ATP11B: variants seen among roughly 807,000 people sequenced by gnomAD.
The protein encoded by ATP11B is ATPase phospholipid transporting 11B (putative).
In ATP11B, 81 loss-of-function variants were observed where a neutral mutation model predicts 157.8. The observed-to-expected ratio is 0.51, with a 90% CI of 0.43 to 0.62. The LOEUF is 0.62. Ranked by LOEUF, ATP11B falls within the 20% of genes least tolerant of loss-of-function variation. ATP11B has a pLI of 0.00. For missense variants in ATP11B, 1,165 were observed against 1,402.2 expected, an observed-to-expected ratio of 0.83 and a Z score of 2.70; for synonymous variants, 451 against 469.4, an observed-to-expected ratio of 0.96 and a Z score of 0.51.
intron 12 of ATP11B, among the ~76,000 whole-genome samples, chr3:182,864,938 A>G (rs973461712): frequency 6.6e-6 from 1 of 152,000 alleles, no homozygotes; most frequent in African/African-American, 2.4e-5. Context: ...TTTTTTCACT[A>G]AATTTGTTTT....
In ATP11B at chr3:182,838,199, A is replaced by G. The variant is rs577500909; in HGVS notation, c.656+1025A>G. Among the ~76,000 whole-genome samples, 160 of 152,174 alleles carry G rather than the reference A, an allele frequency of 1.1e-3. 2 individuals are homozygous for G. The highest frequency in any genetic ancestry group is 3.5e-3 in the African/African-American group (147 of 41,552). Reference sequence around the variant, plus strand: ...AAATGCAGTATAGAATTTGCCAAATAACTAAAAACTTTGGAATCATATGCT... The same window carrying G: ...AAATGCAGTATAGAATTTGCCAAATGACTAAAAACTTTGGAATCATATGCT... On this transcript the variant is annotated intron_variant, in intron 7 of 29. Coordinates refer to ENST00000323116, the MANE Select transcript of ATP11B (RefSeq NM_014616.3).
intron 25 of ATP11B, among the ~76,000 whole-genome samples, chr3:182,895,209 C>CG: frequency 6.6e-6 from 1 of 151,556 alleles, no homozygotes; most frequent in South Asian, 2.1e-4. Context: ...TTGAGACCCA[C>CG]TGATCATCGG....
chr3:182,871,791 A>G (rs1721676786), intron 17 of ATP11B, among the ~76,000 whole-genome samples: 1 of 151,932 alleles, frequency 6.6e-6, no homozygotes, highest in African/African-American at 2.4e-5. Context: ...ATATTCTACA[A>G]TTCAGTGACC....
intron 19 of ATP11B, among the ~76,000 whole-genome samples, chr3:182,875,689 C>CCAA: frequency 6.6e-6 from 1 of 152,264 alleles, no homozygotes; most frequent in East Asian, 1.9e-4. Context: ...GATCTGCCTG[C>CCAA]CTTGGCCTCC....
intron 19 of ATP11B, among the ~76,000 whole-genome samples, chr3:182,874,724 T>A (rs1721908396): frequency 6.6e-6 from 1 of 152,210 alleles, no homozygotes; most frequent in African/African-American, 2.4e-5. Context: ...ATGTTAACTT[T>A]GAACCCCAAT....
rs1401325528 is a variant in ATP11B at position 182,793,591 on chromosome 3, G to T, written c.-169G>T. The T allele has an allele frequency of 7.7e-6, 3 of 388,512 alleles. No homozygotes were observed. Among genetic ancestry groups the T allele is most frequent in the African/African-American group, 2.1e-5 (1 of 47,348 alleles). The allele number at this position is 388,512 out of a possible 1,614,324, so 24.1% of individuals were successfully genotyped here. A position where few individuals can be genotyped will look rare whatever the true frequency, so the allele number is the denominator to read the frequency against. On this transcript the variant is annotated 5_prime_UTR_variant, in exon 1 of 30. Coordinates refer to ENST00000323116, the MANE Select transcript of ATP11B (RefSeq NM_014616.3). The stretch of plus-strand genomic sequence containing the variant: ...GGCCGCGCCTGTAGGACTCGGGGCC[G>T]ACGCCGCGGGATGGGGACGCGGCGC...
chr3:182,845,470 GGA>G lies in ATP11B; in HGVS notation c.721_722del (p.Leu242ProfsTer25), dbSNP rs1560082419. On this transcript the variant is annotated frameshift_variant, in exon 9 of 30. Transcript: ENST00000323116. LOFTEE classifies it high-confidence loss of function. ...MEEIVRPLGP[E>X]SLLLRGARLK... ...CTTTTTTTCCTAGACCTCTGGGGCCGGAGAGTCTCCTGCTTCGTGGAGCCAGA... is the reference window on the plus strand; with the variant it reads ...CTTTTTTTCCTAGACCTCTGGGGCCGGAGTCTCCTGCTTCGTGGAGCCAGA... 1 of 1,598,840 alleles carries G rather than the reference GGA, an allele frequency of 6.3e-7. No individual in the cohort carries two copies. The highest frequency in any genetic ancestry group is 8.5e-7 in the Non-Finnish European group (1 of 1,176,354).
At position 182,918,260 on chromosome 3, in the gene ATP11B, C is replaced by A; in HGVS notation, c.*156C>A. ...GTTATAATGGCAAACAAACAGAAAGCATTAGTACAAGCCCCTCCCAACACC... is the reference window on the plus strand; with the variant it reads ...GTTATAATGGCAAACAAACAGAAAGAATTAGTACAAGCCCCTCCCAACACC... On this transcript the variant is annotated 3_prime_UTR_variant, in exon 30 of 30. Coordinates refer to ENST00000323116, the MANE Select transcript of ATP11B (RefSeq NM_014616.3). 1.9e-6 allele frequency: 2 copies of A among 1,079,324 alleles called. No individual in the cohort carries two copies. Among genetic ancestry groups the A allele is most frequent in the Non-Finnish European group, 1.3e-6 (1 of 778,922 alleles). The allele number at this position is 1,079,324 out of a possible 1,614,324, so 66.9% of individuals were successfully genotyped here.
chr3:182,907,745 T>TA (rs1724475537), intron 28 of ATP11B, among the ~76,000 whole-genome samples: 2 of 152,244 alleles, frequency 1.3e-5, no homozygotes, highest in Non-Finnish European at 2.9e-5. Context: ...TCCTAAGACC[T>TA]GACTAAAACT....
rs766949903 is a variant in ATP11B, at chr3:182,880,880, TAATAAGACTAATAAA to T, written c.2413_2427del (p.Arg805_Ile809del). 1 of 1,573,494 alleles carries T rather than the reference TAATAAGACTAATAAA, an allele frequency of 6.4e-7. No homozygotes were observed. Among genetic ancestry groups the T allele is most frequent in the Admixed American group, 1.9e-5 (1 of 52,384 alleles). On this transcript the variant is annotated inframe_deletion and splice_region_variant, in exon 21 of 30. Transcript: ENST00000323116. ...TAACCAATTCATTATGTCTTTCAGG[TAATAAGACTAATAAA>T]AATATCACCTGAGAAACCTATAACA... is the stretch of plus-strand genomic sequence containing the variant.
At chr3:182,904,427 T>C (rs111940070) in intron 28 of ATP11B, among the ~76,000 whole-genome samples, 1 of 152,262 alleles carries the variant, frequency 6.6e-6, no homozygotes, top group African/African-American at 2.4e-5. Flanking sequence ...TTTCTGCTGA[T>C]GCAGCCTCTA....
At position 182,866,383 on chromosome 3, in the gene ATP11B, C is replaced by T. The variant is rs1553810125; in HGVS notation, c.1559C>T (p.Ser520Leu). 13 of 1,613,776 alleles carry T rather than the reference C, an allele frequency of 8.1e-6. No individual in the cohort carries two copies. Among genetic ancestry groups the T allele is most frequent in the East Asian group, 2.2e-5 (1 of 44,872 alleles). Reference sequence around the variant, plus strand: ...CCCTGGCAATCCAACCTGGCACCATCGCAGTTGGAGTACTATGCATCTTCA... The same window carrying T: ...CCCTGGCAATCCAACCTGGCACCATTGCAGTTGGAGTACTATGCATCTTCA... ...DGPWQSNLAPSQLEYYASSPD... is the reference protein window; with the variant it reads ...DGPWQSNLAPLQLEYYASSPD... Residue 520 changes from serine (S) to leucine (L), a missense_variant, in exon 14 of 30, where the codon TCG (serine) becomes TTG (leucine). Physicochemically the swap from Ser to Leu is moderately radical, Grantham distance 145. Around this residue, in one of 4 missense-constraint regions of ATP11B, gnomAD observed 737 missense variants for 930.5 expected, o/e 0.79. Transcript: ENST00000323116.
At position 182,921,051 on chromosome 3, in the gene ATP11B, T is replaced by C. The variant is rs1410721009; in HGVS notation, c.*2947T>C. On this transcript the variant is annotated 3_prime_UTR_variant, in exon 30 of 30. Coordinates refer to ENST00000323116, the MANE Select transcript of ATP11B (RefSeq NM_014616.3). The stretch of plus-strand genomic sequence containing the variant: ...AACTTATCTGATCGCTTGAGACTCC[T>C]AATAGGCAGGAGTCAAGGCCACTAG... 6.6e-6 allele frequency: 1 copy of C among 152,196 alleles called. No homozygotes were observed. Among genetic ancestry groups the C allele is most frequent in the Non-Finnish European group, 1.5e-5 (1 of 68,044 alleles). 9.4% of individuals were successfully genotyped at this position (152,196 alleles called of 1,614,324 possible).
At chr3:182,820,441 T>C (rs1717257986) in intron 2 of ATP11B, 65 bp downstream of exon 2, 2 of 1,127,664 alleles carry the variant, frequency 1.8e-6, no homozygotes, top group Non-Finnish European at 2.7e-6. Flanking sequence ...CCCAGCACTT[T>C]GGGAGGCCAA....
intron 1 of ATP11B, among the ~76,000 whole-genome samples, chr3:182,802,753 C>T (rs1716091172): frequency 6.6e-6 from 1 of 152,094 alleles, no homozygotes; most frequent in Admixed American, 6.5e-5. Context: ...TTAACCTACT[C>T]CAAAACTTGC....
intron 1 of ATP11B, among the ~76,000 whole-genome samples, chr3:182,809,147 C>T (rs966125228): frequency 6.6e-6 from 1 of 151,942 alleles, no homozygotes; most frequent in East Asian, 1.9e-4. Flanking sequence ...AGAACCAATG[C>T]CTTTGGTTAT....
intron 7 of ATP11B, among the ~76,000 whole-genome samples, chr3:182,841,362 A>T (rs749681556): frequency 2.6e-5 from 4 of 152,304 alleles, no homozygotes; most frequent in Non-Finnish European, 2.9e-5. Flanking sequence ...TTGTTCACTG[A>T]TGGATCTCAA....
At chr3:182,850,555 A>G (rs1719895082) in intron 10 of ATP11B, among the ~76,000 whole-genome samples, 1 of 152,184 alleles carries the variant, frequency 6.6e-6, no homozygotes, top group Non-Finnish European at 1.5e-5. Flanking sequence ...TATTATTAAA[A>G]AGACAAAAAA....
chr3:182,813,808 A>G (rs9829133), intron 1 of ATP11B, among the ~76,000 whole-genome samples: 81,789 of 151,824 alleles, frequency 0.54, 24,318 homozygotes, highest in Non-Finnish European at 0.68. Context: ...GCTCATTGCA[A>G]CCTTGACCTC....
Sources: gnomAD v4.1 joint callset for allele counts (sites outside exome capture counted in the v4.1 genomes callset) on GRCh38, gnomAD v4.1.1 for gene constraint, gnomAD v4.1.1 regional missense constraint, MANE v1.5 for transcripts, NCBI Gene and HGNC (gene_info 2026-07-23, HGNC 2026-07-21) for gene names.